Variants in CCDC192 observed in about 807,000 individuals in gnomAD.
CCDC192 encodes the protein coiled-coil domain-containing protein 192.
In CCDC192 at chr5:127,753,688, GAA is replaced by G. The variant is rs71575707; in HGVS notation, c.115-563_115-562del. On this transcript the variant is annotated intron_variant, in intron 2 of 6. Transcript: ENST00000514853. ...GGCAACAAGAGCAAAACTCTGCCTGGAAAAAAAAAAAAAAAAAAGAGAAAAAA... is the reference window on the plus strand; with the variant it reads ...GGCAACAAGAGCAAAACTCTGCCTGGAAAAAAAAAAAAAAAAGAGAAAAAA... 1.4e-3 allele frequency among the ~76,000 whole-genome samples: 172 copies of G among 124,288 alleles called. 1 individual carries two copies. The highest frequency in any genetic ancestry group is 0.013 in the Middle Eastern group (3 of 238). The allele number at this position is 124,288 out of a possible 152,430, so 81.5% of individuals were successfully genotyped here.
Position 127,809,014 on chromosome 5 carries a change from A to G in CCDC192, c.411+10852A>G, listed in dbSNP as rs530867516. ...AAAGATACTAAGAGATTTATTTGTA[A>G]TTTTATCTTATTTTCAAAAAGAAAG... is the stretch of plus-strand genomic sequence containing the variant. On this transcript the variant is annotated intron_variant, in intron 5 of 6. Transcript: ENST00000514853. Among the ~76,000 whole-genome samples, 110 of 152,298 alleles carry G rather than the reference A, an allele frequency of 7.2e-4. 1 individual carries two copies. Among genetic ancestry groups the G allele is most frequent in the African/African-American group, 2.5e-3 (102 of 41,576 alleles).
At chr5:127,734,388 C>T (rs971707911) in intron 2 of CCDC192, among the ~76,000 whole-genome samples, 58 of 151,748 alleles carry the variant, frequency 3.8e-4, no homozygotes, top group Non-Finnish European at 6.9e-4. Context: ...AATAAACATA[C>T]GTGTGCATGT....
intron 5 of CCDC192, among the ~76,000 whole-genome samples, chr5:127,811,539 T>C (rs1758082118): frequency 6.6e-6 from 1 of 152,204 alleles, no homozygotes; most frequent in South Asian, 2.1e-4. Context: ...CTTAGATAGT[T>C]GAGTCAAAAT....
intron 6 of CCDC192, among the ~76,000 whole-genome samples, chr5:127,897,525 A>G (rs1752927908): frequency 6.6e-6 from 1 of 152,238 alleles, no homozygotes; most frequent in African/African-American, 2.4e-5. Context: ...AAGCAGGCAT[A>G]TGTAACCAGG....
rs948579303 is a variant in CCDC192 at position 127,784,787 on chromosome 5, A to G, written c.223-12316A>G. Reference sequence around the variant, plus strand: ...GTGTTTCAAAACCTTCCTCATCTTCATGATTCTCATGATGGCCATCTGAAT... The same window carrying G: ...GTGTTTCAAAACCTTCCTCATCTTCGTGATTCTCATGATGGCCATCTGAAT... On this transcript the variant is annotated intron_variant, in intron 3 of 6. Transcript: ENST00000514853. 16 of 486,624 alleles carry G rather than the reference A, an allele frequency of 3.3e-5. No homozygotes were observed. In the Admixed American group the frequency reaches 3.7e-4, roughly 11 times the overall value. The allele number at this position is 486,624 out of a possible 1,614,324, so 30.1% of individuals were successfully genotyped here.
rs1049714380 is a variant in CCDC192 at position 127,721,998 on chromosome 5, AGATTTGG to A, written c.114+14240_114+14246del. On this transcript the variant is annotated intron_variant, in intron 2 of 6. Coordinates refer to ENST00000514853, the MANE Select transcript of CCDC192 (RefSeq NM_001317938.2). ...ACACTGGGGGTTACAATTCAACATG[AGATTTGG>A]GTGGGGATACAAATTCAAACCATAT... Among the ~76,000 whole-genome samples, 21 of 152,294 alleles carry A rather than the reference AGATTTGG, an allele frequency of 1.4e-4. No homozygotes were observed. In the South Asian group the frequency reaches 2.3e-3, roughly 17 times the overall value.
intron 5 of CCDC192, among the ~76,000 whole-genome samples, chr5:127,820,647 C>T (rs919314072): frequency 1.3e-5 from 2 of 152,164 alleles, no homozygotes; most frequent in Non-Finnish European, 2.9e-5. Context: ...TACTTTCTCA[C>T]TCCCTATGTT....
At chr5:127,831,009 C>T (rs1444811801) in intron 5 of CCDC192, among the ~76,000 whole-genome samples, 1 of 152,146 alleles carries the variant, frequency 6.6e-6, no homozygotes, top group Admixed American at 6.6e-5. Flanking sequence ...AGAGGCAAAC[C>T]TCCAGGGCTG....
upstream of CCDC192, chr5:127,703,256 T>G (rs2126763476): frequency 2.6e-6 from 1 of 385,352 alleles, no homozygotes; most frequent in East Asian, 3.7e-5. Context: ...TTGTGAGATG[T>G]TTTGAGAGGT....
chr5:127,752,909 G>A (rs538171181), intron 2 of CCDC192, among the ~76,000 whole-genome samples: 38 of 152,320 alleles, frequency 2.5e-4, no homozygotes, highest in East Asian at 3.9e-4. Flanking sequence ...TCTTTGACTA[G>A]GAAAGGGAAC....
intron 6 of CCDC192, among the ~76,000 whole-genome samples, chr5:127,919,166 C>A (rs139117268): frequency 7.9e-5 from 12 of 151,710 alleles, no homozygotes; most frequent in African/African-American, 2.9e-4. Context: ...CAGTAGCTCT[C>A]GGAAAATGAT....
chr5:127,780,196 T>C (rs1756126026), intron 3 of CCDC192, among the ~76,000 whole-genome samples: 1 of 152,152 alleles, frequency 6.6e-6, no homozygotes, highest in Non-Finnish European at 1.5e-5. Context: ...TCACAGTTTC[T>C]TTATCCACTC....
chr5:127,895,194 A>G (rs964438042), intron 6 of CCDC192, among the ~76,000 whole-genome samples: 2 of 152,072 alleles, frequency 1.3e-5, no homozygotes, highest in African/African-American at 4.8e-5. Context: ...TTGCATGGCA[A>G]TCCTTGGTTA....
rs373365351 is a variant in CCDC192, at chr5:127,794,506, C to T, written c.223-2597C>T. 4.0e-4 allele frequency among the ~76,000 whole-genome samples: 61 copies of T among 152,140 alleles called. No homozygotes were observed. In the South Asian group the frequency reaches 0.013, roughly 32 times the overall value. ...CAGACTGTCTGACATGTAGTAAGTG[C>T]CCAAGAAATGTTAACTATTATTAAT... On this transcript the variant is annotated intron_variant, in intron 3 of 6. Transcript: ENST00000514853.
intron 3 of CCDC192, among the ~76,000 whole-genome samples, chr5:127,779,529 C>T (rs1398373751): frequency 6.6e-6 from 1 of 151,912 alleles, no homozygotes; most frequent in African/African-American, 2.4e-5. Context: ...TCTCCTGACC[C>T]TGTGATCCAC....
intron 5 of CCDC192, among the ~76,000 whole-genome samples, chr5:127,846,846 CA>C (rs1750574778): frequency 1.1e-5 from 1 of 89,526 alleles, no homozygotes; most frequent in Non-Finnish European, 2.4e-5. Context: ...AAAAAAAAAA[CA>C]GGGAAACATC....
chr5:127,740,071 G>C (rs1282676704), intron 2 of CCDC192: 1 of 152,318 alleles, frequency 6.6e-6, no homozygotes, highest in Non-Finnish European at 1.5e-5. Context: ...AACTTTGGAA[G>C]ATAGGATTTA....
At chr5:127,709,291 C>T (rs549294911) in intron 2 of CCDC192, among the ~76,000 whole-genome samples, 1 of 151,682 alleles carries the variant, frequency 6.6e-6, no homozygotes, top group African/African-American at 2.4e-5. Flanking sequence ...TGAAAACTCA[C>T]TCACCATCAT....
intron 6 of CCDC192, among the ~76,000 whole-genome samples, chr5:127,902,248 G>C (rs1178910042): frequency 6.6e-6 from 1 of 151,960 alleles, no homozygotes; most frequent in Non-Finnish European, 1.5e-5. Flanking sequence ...CTCCAGCTTG[G>C]CCTGGGTGAT....
Sources: gnomAD v4.1 joint callset for allele counts (sites outside exome capture counted in the v4.1 genomes callset) on GRCh38, gnomAD v4.1.1 for gene constraint, MANE v1.5 for transcripts, NCBI Gene and HGNC (gene_info 2026-07-23, HGNC 2026-07-21) for gene names.